Variants in TRPC1 observed in about 807,000 individuals in gnomAD.
TRPC1 encodes the protein transient receptor potential cation channel subfamily C member 1.
In TRPC1, 42 loss-of-function variants were observed where a neutral mutation model predicts 88.2. The ratio of observed to expected loss-of-function variants is 0.48; its 90% confidence interval spans 0.37 to 0.62. The LOEUF (loss-of-function observed/expected upper bound fraction) is 0.62. TRPC1 is among the 20% of genes least tolerant of loss of function. The probability of loss-of-function intolerance (pLI) is 0.00; values close to 1 mark genes in which losing one functional copy is unlikely to be tolerated. For missense variants in TRPC1, 699 were observed against 957.3 expected, an observed-to-expected ratio of 0.73 and a Z score of 3.56; for synonymous variants, 288 against 331.8, an observed-to-expected ratio of 0.87 and a Z score of 1.43.
intron 5 of TRPC1, among the ~76,000 whole-genome samples, chr3:142,780,007 C>T (rs1323707328): frequency 6.6e-6 from 1 of 152,022 alleles, no homozygotes. Context: ...GCCACCATGC[C>T]TGACTAATTT....
intron 9 of TRPC1, among the ~76,000 whole-genome samples, chr3:142,794,550 C>G (rs975603946): frequency 1.3e-5 from 2 of 152,152 alleles, no homozygotes; most frequent in Non-Finnish European, 2.9e-5. Flanking sequence ...AAAGATCACT[C>G]CAGCTTACTG....
chr3:142,753,604 A>T (rs1934855516), intron 4 of TRPC1, among the ~76,000 whole-genome samples: 2 of 151,910 alleles, frequency 1.3e-5, no homozygotes. Context: ...GTCTCTACTA[A>T]CAGTACAAAA....
At position 142,736,435 on chromosome 3, in the gene TRPC1, A is replaced by G; in HGVS notation, c.229A>G (p.Ile77Val). The G allele has an allele frequency of 2.5e-6, 4 of 1,612,534 alleles. No homozygotes were observed. The highest frequency in any genetic ancestry group is 3.4e-6 in the Non-Finnish European group (4 of 1,179,438). The stretch of plus-strand genomic sequence containing the variant: ...GGAAAACAGTTCAGGTGACTTGAAC[A>G]TAAATTGCGTAGATGTGCTTGGGAG... ...LEENSSGDLN[I>V]NCVDVLGRNA... The change falls in exon 2 of 13, where the codon ATA becomes GTA. Residue 77 changes from isoleucine to valine, a missense_variant. Ile to Val is a conservative substitution (Grantham distance 29, BLOSUM62 3). Around this residue, in one of 4 missense-constraint regions of TRPC1, gnomAD observed 157 missense variants for 127.0 expected, o/e 1.24. Transcript: ENST00000476941.
chr3:142,805,091 A>C (rs1560122995), intron 12 of TRPC1, among the ~76,000 whole-genome samples: 1 of 151,186 alleles, frequency 6.6e-6, no homozygotes, highest in Non-Finnish European at 1.5e-5. Context: ...ACAGAGCGAG[A>C]CTCCACCTCA....
At chr3:142,777,090 T>C (rs1365466128) in intron 4 of TRPC1, among the ~76,000 whole-genome samples, 2 of 152,284 alleles carry the variant, frequency 1.3e-5, no homozygotes, top group East Asian at 1.9e-4. Flanking sequence ...GATGGGAGGA[T>C]AACTTGAGGC....
intron 4 of TRPC1, among the ~76,000 whole-genome samples, chr3:142,774,695 A>G (rs918040886): frequency 3.3e-5 from 5 of 151,944 alleles, no homozygotes; most frequent in African/African-American, 9.7e-5. Flanking sequence ...CTTTTTGGAT[A>G]ATTTTGTTCA....
chr3:142,800,813 G>C (rs1056829176), intron 9 of TRPC1, among the ~76,000 whole-genome samples: 1 of 151,812 alleles, frequency 6.6e-6, no homozygotes, highest in African/African-American at 2.4e-5. Flanking sequence ...AGCTACTTGG[G>C]AGGCTAAGGC....
chr3:142,758,832 C>G (rs1251068797), intron 4 of TRPC1, among the ~76,000 whole-genome samples: 2 of 135,364 alleles, frequency 1.5e-5, no homozygotes, highest in Non-Finnish European at 3.1e-5. Flanking sequence ...CCCCCTCCCC[C>G]ACCCCACAAT....
intron 4 of TRPC1, among the ~76,000 whole-genome samples, chr3:142,762,689 A>G (rs943717818): frequency 1.3e-4 from 19 of 151,954 alleles, no homozygotes; most frequent in Non-Finnish European, 2.2e-4. Context: ...GTGGCCTCCC[A>G]AAGTGCTGGG....
At chr3:142,750,044 A>G (rs971547040) in intron 4 of TRPC1, among the ~76,000 whole-genome samples, 1 of 152,218 alleles carries the variant, frequency 6.6e-6, no homozygotes, top group Non-Finnish European at 1.5e-5. Context: ...ACCAAAAGCA[A>G]TGGCAGCGAA....
At chr3:142,803,953 A>G in intron 10 of TRPC1, 24 bp from the exon 11 acceptor site, 1 of 1,601,474 alleles carries the variant, frequency 6.2e-7, no homozygotes, top group African/African-American at 1.3e-5. Context: ...TGCCTTTTAA[A>G]CAGAAATGCA....
At position 142,804,032 on chromosome 3, in the gene TRPC1, G is replaced by A; in HGVS notation, c.1813G>A (p.Ala605Thr). 6.2e-7 allele frequency: 1 copy of A among 1,613,754 alleles called. No individual in the cohort carries two copies. The highest frequency in any genetic ancestry group is 8.5e-7 in the Non-Finnish European group (1 of 1,179,836). Residue 605 changes from alanine (A) to threonine (T), a missense_variant, in exon 11 of 13, where the codon GCA (alanine) becomes ACA (threonine). Ala to Thr is a moderately conservative substitution (Grantham distance 58). Transcript: ENST00000476941. The part of the protein sequence containing the change: ...FWYIFSLAHV[A>T]IFVTRFSYGE... ...GTATATTTTCTCCTTAGCGCATGTG[G>A]CAATCTTTGTCACAAGATTTAGCTA...
intron 8 of TRPC1, among the ~76,000 whole-genome samples, chr3:142,791,712 A>G (rs1232856294): frequency 6.6e-6 from 1 of 152,076 alleles, no homozygotes; most frequent in Non-Finnish European, 1.5e-5. Flanking sequence ...ATTCCATTCC[A>G]TTTCATAATG....
intron 4 of TRPC1, among the ~76,000 whole-genome samples, chr3:142,755,375 A>G (rs184854217): frequency 6.6e-6 from 1 of 152,334 alleles, no homozygotes; most frequent in African/African-American, 2.4e-5. Context: ...CGGTGAGTCA[A>G]GATTGCACCA....
intron 3 of TRPC1, among the ~76,000 whole-genome samples, chr3:142,745,824 C>A (rs537574835): frequency 6.6e-6 from 1 of 151,940 alleles, no homozygotes; most frequent in Non-Finnish European, 1.5e-5. Context: ...ATGGCGTGAT[C>A]TCAGGTCACT....
Position 142,762,834 on chromosome 3 carries a change from C to G in TRPC1, c.632+14374C>G, listed in dbSNP as rs145974454. Among the ~76,000 whole-genome samples, 358 of 152,264 alleles carry G rather than the reference C, an allele frequency of 2.4e-3. 3 individuals are homozygous for G. Among genetic ancestry groups the G allele is most frequent in the African/African-American group, 8.0e-3 (332 of 41,540 alleles). The stretch of plus-strand genomic sequence containing the variant: ...GCTATAACCTTCCCTCTCAGTACTA[C>G]TTTTGCTCTGTCTCATAGATTTTGG... On this transcript the variant is annotated intron_variant, in intron 4 of 12. Coordinates refer to ENST00000476941, the MANE Select transcript of TRPC1 (RefSeq NM_001251845.2).
At chr3:142,802,015 A>G (rs779832582) in intron 9 of TRPC1, among the ~76,000 whole-genome samples, 154 bp from the exon 10 acceptor site, 3 of 152,096 alleles carry the variant, frequency 2.0e-5, no homozygotes, top group Non-Finnish European at 2.9e-5. Context: ...TGGATTTTCG[A>G]TGTTTTTAAA....
rs1040649022 is a variant in TRPC1 at position 142,772,965 on chromosome 3, C to T, written c.633-4667C>T. ...GTTCACATGACATTCTCCCTGTTTGCGTGCCTGTCTCCACATTTCCCTCTT... is the reference window on the plus strand; with the variant it reads ...GTTCACATGACATTCTCCCTGTTTGTGTGCCTGTCTCCACATTTCCCTCTT... On this transcript the variant is annotated intron_variant, in intron 4 of 12. Coordinates refer to ENST00000476941, the MANE Select transcript of TRPC1 (RefSeq NM_001251845.2). 7.2e-5 allele frequency among the ~76,000 whole-genome samples: 11 copies of T among 152,132 alleles called. No individual in the cohort carries two copies. In the East Asian group the frequency reaches 1.3e-3, roughly 19 times the overall value.
rs114662607 is a variant in TRPC1, at chr3:142,771,104, G to A, written c.633-6528G>A. ...AGAACTCACTTATTACTGCAAGGATGGCACCAAGCTGATCATGAGGGATCC... is the reference window on the plus strand; with the variant it reads ...AGAACTCACTTATTACTGCAAGGATAGCACCAAGCTGATCATGAGGGATCC... On this transcript the variant is annotated intron_variant, in intron 4 of 12. Transcript: ENST00000476941. Among the ~76,000 whole-genome samples the A allele has an allele frequency of 1.6e-3, 246 of 152,250 alleles. 1 individual carries two copies. The highest frequency in any genetic ancestry group is 5.7e-3 in the African/African-American group (235 of 41,548).
Sources: allele counts gnomAD v4.1 joint callset (sites outside exome capture counted in the v4.1 genomes callset), GRCh38; gene constraint gnomAD v4.1.1; regional missense constraint gnomAD v4.1.1; transcripts MANE v1.5; gene names NCBI Gene and HGNC (gene_info 2026-07-23, HGNC 2026-07-21).